Variants in CRTAM observed in about 807,000 individuals in gnomAD.
The protein encoded by CRTAM is cytotoxic and regulatory T cell molecule.
In CRTAM, 44 loss-of-function variants were observed where a neutral mutation model predicts 50.0. The observed-to-expected ratio is 0.88, with a 90% CI of 0.69 to 1.13. The LOEUF (loss-of-function observed/expected upper bound fraction) is 1.13, where lower values mean the gene tolerates loss of function less well. Ranked by LOEUF, CRTAM falls within the 50% of genes most tolerant of loss-of-function variation. The pLI, the probability that CRTAM is intolerant of heterozygous loss-of-function variation, is 0.00. For synonymous variants in CRTAM, 159 were observed against 169.3 expected (o/e 0.94, Z 0.47); for missense variants, 448 against 457.5 (o/e 0.98, Z 0.19).
intron 5 of CRTAM, among the ~76,000 whole-genome samples, chr11:122,857,540 T>G (rs546468151): frequency 1.3e-5 from 2 of 152,352 alleles, no homozygotes; most frequent in East Asian, 3.9e-4. Flanking sequence ...TTGCCAGATC[T>G]CCAAATAGTA....
At position 122,838,521 on chromosome 11, in the gene CRTAM, A is replaced by G. The variant is rs1258889842; in HGVS notation, c.-26A>G. ...TCTCAGAATCTAGAGGAAGTTGACA[A>G]AGGTGCCACAGCAGCACAGCACAGT... On this transcript the variant is annotated 5_prime_UTR_variant, in exon 1 of 10. Coordinates refer to ENST00000227348, the MANE Select transcript of CRTAM (RefSeq NM_019604.4). 2.5e-6 allele frequency: 4 copies of G among 1,612,086 alleles called. No individual in the cohort carries two copies. The highest frequency in any genetic ancestry group is 3.4e-6 in the Non-Finnish European group (4 of 1,179,176).
intron 5 of CRTAM, among the ~76,000 whole-genome samples, chr11:122,859,744 G>A (rs1862049516): frequency 6.6e-6 from 1 of 152,142 alleles, no homozygotes; most frequent in African/African-American, 2.4e-5. Flanking sequence ...TGTGGACTCT[G>A]GGCCCATGTC....
intron 9 of CRTAM, among the ~76,000 whole-genome samples, chr11:122,868,495 T>C (rs996802800): frequency 2.6e-5 from 4 of 152,122 alleles, no homozygotes; most frequent in African/African-American, 9.7e-5. Flanking sequence ...GCCTTCTTTC[T>C]GATTTTGTTC....
chr11:122,841,880 T>C lies in CRTAM; in HGVS notation c.46+3288T>C, dbSNP rs141148819. On this transcript the variant is annotated intron_variant, in intron 1 of 9. Coordinates refer to ENST00000227348, the MANE Select transcript of CRTAM (RefSeq NM_019604.4). Reference sequence around the variant, plus strand: ...CTGTAATAGAAGTATATCTCAAGACTTTGGGAAACTAGGGGAAAGACATTA... The same window carrying C: ...CTGTAATAGAAGTATATCTCAAGACCTTGGGAAACTAGGGGAAAGACATTA... 2.0e-5 allele frequency among the ~76,000 whole-genome samples: 3 copies of C among 152,294 alleles called. No individual in the cohort carries two copies. The East Asian group carries it at 5.8e-4, about 29-fold the overall frequency.
intron 4 of CRTAM, among the ~76,000 whole-genome samples, chr11:122,854,866 A>G (rs1287610834): frequency 1.3e-5 from 2 of 152,244 alleles, no homozygotes; most frequent in East Asian, 3.8e-4. Flanking sequence ...CCTTTGAAAC[A>G]GAATAACTAA....
chr11:122,851,567 G>T (rs1361653476), intron 2 of CRTAM, 126 bp from the exon 3 acceptor site: 2 of 836,750 alleles, frequency 2.4e-6, no homozygotes, highest in Non-Finnish European at 3.9e-6. Context: ...ATAGGACAAT[G>T]TCTGGAGATA....
chr11:122,858,141 A>G (rs1236444334), intron 5 of CRTAM, among the ~76,000 whole-genome samples: 3 of 152,128 alleles, frequency 2.0e-5, no homozygotes, highest in Admixed American at 2.0e-4. Context: ...CAAAACTCCT[A>G]GGCTCAAGAA....
chr11:122,848,924 C>G (rs1158627877), intron 1 of CRTAM, among the ~76,000 whole-genome samples: 1 of 152,092 alleles, frequency 6.6e-6, no homozygotes. Flanking sequence ...ATCAGGAATG[C>G]CAGTTTATTT....
chr11:122,853,913 A>G (rs752455403), intron 3 of CRTAM, 30 bp from the exon 4 acceptor site: 37 of 1,609,890 alleles, frequency 2.3e-5, no homozygotes, highest in Non-Finnish European at 2.9e-5. Context: ...CTCATATCTA[A>G]TTAACACAGA....
In CRTAM at chr11:122,855,694, G is replaced by C. The variant is rs1319121686; in HGVS notation, c.491-1G>C. The C allele has an allele frequency of 6.2e-7, 1 of 1,613,724 alleles. No homozygotes were observed. Among genetic ancestry groups the C allele is most frequent in the African/African-American group, 1.3e-5 (1 of 74,862 alleles). ...CATAACCTCTTCAAATTGCTACATA[G>C]GTGGAACGCTCCATGAATTTGAAAC... On this transcript the variant is annotated splice_acceptor_variant, in intron 4 of 9. Coordinates refer to ENST00000227348, the MANE Select transcript of CRTAM (RefSeq NM_019604.4). LOFTEE classifies it high-confidence loss of function.
At chr11:122,871,004 G>A (rs574923347) in intron 9 of CRTAM, among the ~76,000 whole-genome samples, 19 of 152,170 alleles carry the variant, frequency 1.2e-4, no homozygotes, top group African/African-American at 4.3e-4. Flanking sequence ...ACTTGAGCCC[G>A]GGAGGCTGAG....
chr11:122,857,838 C>G (rs969346912), intron 5 of CRTAM, among the ~76,000 whole-genome samples: 9 of 152,180 alleles, frequency 5.9e-5, no homozygotes, highest in African/African-American at 1.7e-4. Flanking sequence ...TCTGAAAAAG[C>G]CACAGTGTGA....
intron 1 of CRTAM, among the ~76,000 whole-genome samples, chr11:122,841,652 A>C (rs1861799896): frequency 3.3e-5 from 5 of 152,104 alleles, no homozygotes; most frequent in Admixed American, 3.3e-4. Flanking sequence ...CGCCTGCCTC[A>C]GCCTTCCAAA....
chr11:122,838,625 A>G (rs1192465852), intron 1 of CRTAM, 33 bp downstream of exon 1: 7 of 1,608,732 alleles, frequency 4.4e-6, no homozygotes. Flanking sequence ...GTTGTTGCTC[A>G]GCTGACTTAA....
At chr11:122,846,064 A>T (rs1861859077) in intron 1 of CRTAM, among the ~76,000 whole-genome samples, 1 of 152,138 alleles carries the variant, frequency 6.6e-6, no homozygotes, top group Admixed American at 6.5e-5. Context: ...CTTTTGAGAG[A>T]TGGAGCAACA....
chr11:122,840,410 T>TTCTA, intron 1 of CRTAM, among the ~76,000 whole-genome samples: 1 of 151,854 alleles, frequency 6.6e-6, no homozygotes, highest in East Asian at 1.9e-4. Context: ...TTCATGAAAC[T>TTCTA]TCTAATTAAC....
intron 1 of CRTAM, among the ~76,000 whole-genome samples, chr11:122,841,258 T>G (rs1861793932): frequency 6.6e-6 from 1 of 152,206 alleles, no homozygotes; most frequent in Non-Finnish European, 1.5e-5. Context: ...ATGACAGTCA[T>G]GTAACTAGGG....
chr11:122,853,943 C>T lies in CRTAM; in HGVS notation c.347C>T (p.Ala116Val). 6.2e-7 allele frequency: 1 copy of T among 1,613,508 alleles called. No individual in the cohort carries two copies. The highest frequency in any genetic ancestry group is 8.5e-7 in the Non-Finnish European group (1 of 1,179,780). ...CACAGAAAAATCCATTTTGTTCTAGCAACTCCTTTCAAGCCAATCCTGGAA... is the reference window on the plus strand; with the variant it reads ...CACAGAAAAATCCATTTTGTTCTAGTAACTCCTTTCAAGCCAATCCTGGAA... Reference protein sequence around the residue: ...STKEVKVIVLATPFKPILEAS... With the variant: ...STKEVKVIVLVTPFKPILEAS... The change falls in exon 4 of 10, where the codon GCA (alanine) becomes GTA (valine). Residue 116 changes from alanine (A) to valine (V), a missense_variant and splice_region_variant. Ala to Val is a moderately conservative substitution (Grantham distance 64). Transcript: ENST00000227348.
At chr11:122,848,516 C>G (rs1419930606) in intron 1 of CRTAM, among the ~76,000 whole-genome samples, 1 of 152,074 alleles carries the variant, frequency 6.6e-6, no homozygotes, top group African/African-American at 2.4e-5. Context: ...CATTAGAACT[C>G]CAGCAAACAG....
Sources: allele counts gnomAD v4.1 joint callset (sites outside exome capture counted in the v4.1 genomes callset), GRCh38; gene constraint gnomAD v4.1.1; transcripts MANE v1.5; gene names NCBI Gene and HGNC (gene_info 2026-07-23, HGNC 2026-07-21).